SETBP1: variants seen among roughly 807,000 people sequenced by gnomAD.
SETBP1 encodes SET-binding protein.
A neutral mutation model predicts 101.0 loss-of-function variants in SETBP1; 9 were observed. That is an observed-to-expected ratio of 0.09 (90% confidence interval 0.05 to 0.16). The LOEUF (loss-of-function observed/expected upper bound fraction) is 0.16, where lower values mean the gene tolerates loss of function less well. Ranked by LOEUF, SETBP1 falls within the 10% of genes least tolerant of loss-of-function variation. The pLI is 1.00. For missense variants in SETBP1, 1,858 were observed against 2,033.8 expected (o/e 0.91, Z 1.66); for synonymous variants, 818 against 788.5 (o/e 1.04, Z -0.63).
At chr18:45,036,000 A>T (rs1340686819) in intron 4 of SETBP1, among the ~76,000 whole-genome samples, 1 of 152,208 alleles carries the variant, frequency 6.6e-6, no homozygotes, top group Non-Finnish European at 1.5e-5. Flanking sequence ...TGAAAAGTTT[A>T]ATACATATTT....
At chr18:44,758,861 T>C (rs1261975885) in intron 2 of SETBP1, among the ~76,000 whole-genome samples, 1 of 152,068 alleles carries the variant, frequency 6.6e-6, no homozygotes, top group Non-Finnish European at 1.5e-5. Flanking sequence ...CATCAGAAAA[T>C]ACCAACTTGG....
intron 2 of SETBP1, among the ~76,000 whole-genome samples, chr18:44,761,421 C>G (rs1000101858): frequency 6.6e-6 from 1 of 152,226 alleles, no homozygotes; most frequent in Non-Finnish European, 1.5e-5. Flanking sequence ...CTGGTCCCCT[C>G]TCCCACATTT....
intron 3 of SETBP1, among the ~76,000 whole-genome samples, chr18:44,873,548 G>C (rs570525198): frequency 6.6e-6 from 1 of 152,088 alleles, no homozygotes; most frequent in Non-Finnish European, 1.5e-5. Flanking sequence ...GGCCAGGATG[G>C]GTGAGAAAAA....
chr18:44,904,703 G>A (rs1032533998), intron 3 of SETBP1, among the ~76,000 whole-genome samples: 8 of 152,220 alleles, frequency 5.3e-5, no homozygotes, highest in African/African-American at 1.9e-4. Flanking sequence ...TTCAGGGCCT[G>A]ATGTTTCTGG....
At chr18:44,969,738 C>T (rs1861383336) in intron 4 of SETBP1, among the ~76,000 whole-genome samples, 1 of 152,186 alleles carries the variant, frequency 6.6e-6, no homozygotes. Context: ...TACCCAACCC[C>T]TCACAACATC....
chr18:44,762,187 C>G (rs1192146777), intron 2 of SETBP1, among the ~76,000 whole-genome samples: 2 of 151,814 alleles, frequency 1.3e-5, no homozygotes, highest in East Asian at 1.9e-4. Context: ...CTTCTTTTCC[C>G]AGTTCTGGAG....
At chr18:44,979,772 A>G (rs988330954) in intron 4 of SETBP1, among the ~76,000 whole-genome samples, 3 of 152,256 alleles carry the variant, frequency 2.0e-5, no homozygotes, top group Non-Finnish European at 2.9e-5. Flanking sequence ...AACTCACTCT[A>G]TGCAATTGAA....
chr18:44,848,565 C>G (rs1044377885), intron 2 of SETBP1, among the ~76,000 whole-genome samples: 1 of 152,200 alleles, frequency 6.6e-6, no homozygotes, highest in Admixed American at 6.5e-5. Flanking sequence ...AATTTCTCCT[C>G]TGGCATTTTA....
intron 2 of SETBP1, among the ~76,000 whole-genome samples, chr18:44,722,564 C>T (rs1027307583): frequency 1.3e-5 from 2 of 152,214 alleles, no homozygotes; most frequent in South Asian, 2.1e-4. Flanking sequence ...TGTAGACCCT[C>T]CTGCAGAGCA....
chr18:45,009,644 G>C (rs950172359), intron 4 of SETBP1, among the ~76,000 whole-genome samples: 1 of 152,008 alleles, frequency 6.6e-6, no homozygotes, highest in Admixed American at 6.6e-5. Flanking sequence ...GCATTTGTAT[G>C]TTTTGCAGGA....
chr18:44,933,665 C>T (rs751440446), intron 3 of SETBP1, among the ~76,000 whole-genome samples: 12 of 152,200 alleles, frequency 7.9e-5, no homozygotes, highest in Non-Finnish European at 1.6e-4. Flanking sequence ...CGCCCCTCCC[C>T]AGCCTTGCTG....
chr18:44,931,731 A>G (rs1344266191), intron 3 of SETBP1, among the ~76,000 whole-genome samples: 2 of 150,078 alleles, frequency 1.3e-5, no homozygotes, highest in African/African-American at 4.9e-5. Context: ...GTTGGTTTAA[A>G]CTCTGTTTTA....
chr18:44,951,423 C>T lies in SETBP1; in HGVS notation c.2083C>T (p.Pro695Ser), dbSNP rs1284210743. The T allele has an allele frequency of 6.2e-7, 1 of 1,614,082 alleles. No homozygotes were observed. Among genetic ancestry groups the T allele is most frequent in the Non-Finnish European group, 8.5e-7 (1 of 1,180,010 alleles). Reference sequence around the variant, plus strand: ...CAGCGTTGCTCTGAAGGCAAAAGCTCCCCCAGAGACCAGCCCTGGGGCAGC... The same window carrying T: ...CAGCGTTGCTCTGAAGGCAAAAGCTTCCCCAGAGACCAGCCCTGGGGCAGC... ...SSSVALKAKA[P>S]PETSPGAAAI... Residue 695 changes from proline to serine, a missense_variant, in exon 4 of 6, where the codon CCC becomes TCC. This residue lies in a region of SETBP1 where 111 missense variants were observed against 119.3 expected (regional missense o/e 0.93). Coordinates refer to ENST00000649279, the MANE Select transcript of SETBP1 (RefSeq NM_015559.3). This position sits in a 1 kb window ranked among gnomAD's most constrained non-coding sequence, Gnocchi z 7.8.
intron 3 of SETBP1, among the ~76,000 whole-genome samples, chr18:44,896,871 C>T (rs900709546): frequency 6.6e-6 from 1 of 152,142 alleles, no homozygotes; most frequent in Non-Finnish European, 1.5e-5. Flanking sequence ...TCCAGTTTGT[C>T]AATGTCCTTC....
At chr18:44,765,012 C>T (rs2070736144) in intron 2 of SETBP1, among the ~76,000 whole-genome samples, 1 of 152,244 alleles carries the variant, frequency 6.6e-6, no homozygotes, top group South Asian at 2.1e-4. Context: ...AAATAGAACT[C>T]AGAAGAGACA....
chr18:44,823,089 C>T (rs1445282929), intron 2 of SETBP1, among the ~76,000 whole-genome samples: 1 of 152,188 alleles, frequency 6.6e-6, no homozygotes, highest in East Asian at 1.9e-4. Flanking sequence ...CTAGATCATG[C>T]TGCTGCACTC....
chr18:44,782,095 C>T (rs527541463), intron 2 of SETBP1, among the ~76,000 whole-genome samples: 105 of 152,250 alleles, frequency 6.9e-4, no homozygotes, highest in Non-Finnish European at 1.3e-3. Context: ...GAATGCAGAA[C>T]GACCTCAACC....
intron 2 of SETBP1, among the ~76,000 whole-genome samples, chr18:44,793,418 G>A (rs1207507770): frequency 1.3e-5 from 2 of 152,166 alleles, no homozygotes; most frequent in Non-Finnish European, 2.9e-5. Flanking sequence ...TCCAGCCCTG[G>A]TTGACATCAC....
chr18:44,842,776 G>T (rs1227576447), intron 2 of SETBP1, among the ~76,000 whole-genome samples: 1 of 152,204 alleles, frequency 6.6e-6, no homozygotes, highest in Non-Finnish European at 1.5e-5. Flanking sequence ...TTTTGTGGGT[G>T]GACTTCCATT....
Sources: gnomAD v4.1 joint callset for allele counts (sites outside exome capture counted in the v4.1 genomes callset) on GRCh38, gnomAD v4.1.1 for gene constraint, gnomAD v4.1.1 regional missense constraint, Gnocchi (gnomAD v3.1) non-coding constraint, MANE v1.5 for transcripts, NCBI Gene and HGNC (gene_info 2026-07-23, HGNC 2026-07-21) for gene names.